CDH23: variants seen among roughly 807,000 people sequenced by gnomAD.
CDH23 encodes cadherin related 23, also known as cadherin-23.
A neutral mutation model predicts 317.1 loss-of-function variants in CDH23; 189 were observed. That is an observed-to-expected ratio of 0.60 (90% CI 0.53 to 0.67). The LOEUF (loss-of-function observed/expected upper bound fraction) is 0.67, where lower values mean the gene tolerates loss of function less well. Among genes scored for constraint, CDH23 ranks in the 30% least tolerant of loss-of-function variants. CDH23 has a pLI of 0.00. For synonymous variants in CDH23, 1,839 were observed against 1,876.8 expected, an observed-to-expected ratio of 0.98 and a Z score of 0.52; for missense variants, 4,401 against 4,592.4, an observed-to-expected ratio of 0.96 and a Z score of 1.20.
intron 55 of CDH23, 111 bp downstream of exon 55, chr10:71,803,531 G>A: frequency 1.0e-6 from 1 of 957,342 alleles, no homozygotes; most frequent in South Asian, 1.6e-5. Flanking sequence ...CTTCAGGAAA[G>A]TAGCTCCAGG....
At chr10:71,586,888 G>A (rs1341002635) in intron 9 of CDH23, among the ~76,000 whole-genome samples, 2 of 152,148 alleles carry the variant, frequency 1.3e-5, no homozygotes, top group Admixed American at 1.3e-4. Flanking sequence ...GGTGGGTATT[G>A]TTTTTCATGT....
intron 40 of CDH23, among the ~76,000 whole-genome samples, chr10:71,778,546 C>T (rs143369958): frequency 1.3e-5 from 2 of 152,176 alleles, no homozygotes; most frequent in Non-Finnish European, 2.9e-5. Context: ...CCCTCCTCTC[C>T]TTCATGGGAA....
intron 9 of CDH23, among the ~76,000 whole-genome samples, chr10:71,598,941 T>C (rs1037736174): frequency 2.6e-5 from 4 of 152,138 alleles, no homozygotes; most frequent in African/African-American, 9.7e-5. Flanking sequence ...CATCTGGGGC[T>C]GAGCCTCCAG....
At chr10:71,809,726 T>C in intron 60 of CDH23, 94 bp from the exon 61 acceptor site, 1 of 1,528,824 alleles carries the variant, frequency 6.5e-7, no homozygotes, top group East Asian at 2.3e-5. Flanking sequence ...CCGCCTCCCC[T>C]AGATGTGCCC....
At chr10:71,760,554 G>A (rs567478482) in intron 38 of CDH23, 1 of 273,242 alleles carries the variant, frequency 3.7e-6, no homozygotes, top group South Asian at 7.4e-5. Flanking sequence ...CTGGTGGGCA[G>A]GGCGGCACTT....
chr10:71,555,932 C>T (rs554517020), intron 6 of CDH23, among the ~76,000 whole-genome samples: 20 of 152,240 alleles, frequency 1.3e-4, no homozygotes, highest in African/African-American at 4.6e-4. Context: ...TGCTAGAAAC[C>T]TGGGTGGAGC....
intron 14 of CDH23, among the ~76,000 whole-genome samples, chr10:71,667,459 CAG>C (rs1863964458): frequency 6.7e-6 from 1 of 148,842 alleles, no homozygotes; most frequent in Non-Finnish European, 1.5e-5. Context: ...CTGAGCCAGA[CAG>C]GGAGAGAAAA....
intron 3 of CDH23, among the ~76,000 whole-genome samples, chr10:71,451,492 C>G (rs1340130512): frequency 6.6e-6 from 1 of 152,232 alleles, no homozygotes; most frequent in African/African-American, 2.4e-5. Context: ...TGGTCTCCCT[C>G]TAGTTCCCTA....
chr10:71,767,720 G>A (rs1041237533), intron 38 of CDH23, among the ~76,000 whole-genome samples: 1 of 152,230 alleles, frequency 6.6e-6, no homozygotes, highest in Non-Finnish European at 1.5e-5. Flanking sequence ...AGTCTGCCCT[G>A]GGGCTTTCTG....
chr10:71,734,122 G>A (rs1839481573), intron 32 of CDH23, 118 bp from the exon 33 acceptor site: 7 of 817,770 alleles, frequency 8.6e-6, no homozygotes, highest in Admixed American at 2.0e-5. Flanking sequence ...CAGACAGAGT[G>A]TCCTGGGGAA....
chr10:71,551,695 G>A (rs1487788240), intron 6 of CDH23, among the ~76,000 whole-genome samples: 1 of 152,156 alleles, frequency 6.6e-6, no homozygotes. Flanking sequence ...TGGTCTTTGT[G>A]TGACATGAGA....
Position 71,617,344 on chromosome 10 carries a change from AG to A in CDH23, c.1087del (p.Val363SerfsTer20), listed in dbSNP as rs747955135. 9.3e-6 allele frequency: 15 copies of A among 1,613,976 alleles called. No individual in the cohort carries two copies. The Admixed American group carries it at 2.2e-4, about 23-fold the overall frequency. ...AGCGTGGCCATCACTGAGCTGGCAC[AG>A]GTCGGCTTTGCCCTTCCACTCTTCA... ...EYSVAITELA[Q>X]VGFALPLFIQ... On this transcript the variant is annotated frameshift_variant, in exon 11 of 70. Transcript: ENST00000224721. LOFTEE classifies it high-confidence loss of function.
In CDH23 at chr10:71,397,145, G is replaced by C. The variant is rs1478487789; in HGVS notation, c.-179G>C. ...AAGTTGCGAGCGGCGAGCGGCGAGC[G>C]GCGAGCGGCCCGCGGAGACCCAGGA... On this transcript the variant is annotated 5_prime_UTR_variant, in exon 1 of 70. Coordinates refer to ENST00000224721, the MANE Select transcript of CDH23 (RefSeq NM_022124.6). This position sits in a 1 kb window ranked among gnomAD's most constrained non-coding sequence, Gnocchi z 4.8. 1 of 187,304 alleles carries C rather than the reference G, an allele frequency of 5.3e-6. No homozygotes were observed. Among genetic ancestry groups the C allele is most frequent in the Non-Finnish European group, 1.1e-5 (1 of 92,448 alleles). The allele number at this position is 187,304 out of a possible 1,614,324, so 11.6% of individuals were successfully genotyped here.
At position 71,807,374 on chromosome 10, in the gene CDH23, G is replaced by T; in HGVS notation, c.8276G>T (p.Gly2759Val). The change falls in exon 58 of 70, where the codon GGC becomes GTC. Residue 2759 changes from glycine to valine, a missense_variant. Gly to Val is a moderately radical substitution (Grantham distance 109). Around this residue, in one of 3 missense-constraint regions of CDH23, gnomAD observed 1,144 missense variants for 1,138.2 expected, o/e 1.01. Coordinates refer to ENST00000224721, the MANE Select transcript of CDH23 (RefSeq NM_022124.6). ...ACAGGCGCAGTGGATGCAGATGAGG[G>T]CCCCAACGCGATCGTGTACTACTTC... ...NVTGAVDADE[G>V]PNAIVYYFIA... 2 of 1,613,862 alleles carry T rather than the reference G, an allele frequency of 1.2e-6. No individual in the cohort carries two copies. The highest frequency in any genetic ancestry group is 1.7e-6 in the Non-Finnish European group (2 of 1,179,832).
chr10:71,487,603 C>T (rs1218731933), intron 3 of CDH23, among the ~76,000 whole-genome samples: 2 of 152,132 alleles, frequency 1.3e-5, no homozygotes, highest in African/African-American at 4.8e-5. Context: ...ATTAAAAACA[C>T]AAGTTTAAAA....
At chr10:71,410,938 T>C (rs1035885838) in intron 1 of CDH23, among the ~76,000 whole-genome samples, 5 of 152,210 alleles carry the variant, frequency 3.3e-5, no homozygotes, top group Non-Finnish European at 5.9e-5. Context: ...GTTAAGAACA[T>C]TTGTATGTGT....
intron 3 of CDH23, among the ~76,000 whole-genome samples, chr10:71,454,804 A>G (rs1850606528): frequency 6.6e-6 from 1 of 151,842 alleles, no homozygotes; most frequent in South Asian, 2.1e-4. Context: ...TTTTCCTAAC[A>G]CATATTAAAA....
At chr10:71,472,545 G>A (rs1851572296) in intron 3 of CDH23, among the ~76,000 whole-genome samples, 1 of 152,232 alleles carries the variant, frequency 6.6e-6, no homozygotes, top group African/African-American at 2.4e-5. Context: ...GTACAGTGCT[G>A]GCCCAGCATT....
chr10:71,672,783 G>A (rs1479069244), intron 14 of CDH23, among the ~76,000 whole-genome samples: 2 of 152,104 alleles, frequency 1.3e-5, no homozygotes, highest in African/African-American at 4.8e-5. Context: ...CAGGCCCCAG[G>A]GTGAAGGGGA....
Sources: allele counts gnomAD v4.1 joint callset (sites outside exome capture counted in the v4.1 genomes callset), GRCh38; gene constraint gnomAD v4.1.1; regional missense constraint gnomAD v4.1.1; non-coding constraint Gnocchi (gnomAD v3.1); transcripts MANE v1.5; gene names NCBI Gene and HGNC (gene_info 2026-07-23, HGNC 2026-07-21).